The following TACC2 variants were observed in gnomAD, a reference collection of about 807,000 sequenced individuals.
The protein encoded by TACC2 is transforming acidic coiled-coil containing protein 2.
In TACC2, 137 loss-of-function variants were observed where a neutral mutation model predicts 227.3. That is an observed-to-expected ratio of 0.60 (90% CI 0.52 to 0.69). The LOEUF is 0.69. Among genes scored for constraint, TACC2 ranks in the 30% least tolerant of loss-of-function variants. The pLI is 0.00. For missense variants in TACC2, 3,470 were observed against 3,694.4 expected (o/e 0.94, Z 1.57); for synonymous variants, 1,523 against 1,487.5 (o/e 1.02, Z -0.55).
intron 6 of TACC2, among the ~76,000 whole-genome samples, chr10:122,134,402 T>C (rs2089094412): frequency 6.6e-6 from 1 of 152,082 alleles, no homozygotes; most frequent in African/African-American, 2.4e-5. Context: ...GTTCTCAAAC[T>C]CCTGACCCCC....
intron 5 of TACC2, among the ~76,000 whole-genome samples, chr10:122,116,430 A>C (rs1386473805): frequency 6.6e-6 from 1 of 152,252 alleles, no homozygotes; most frequent in Non-Finnish European, 1.5e-5. Context: ...GAGAAAGCCC[A>C]GAATTTATAG....
At chr10:122,234,918 C>G (rs2095828254) in intron 16 of TACC2, among the ~76,000 whole-genome samples, 1 of 152,134 alleles carries the variant, frequency 6.6e-6, no homozygotes, top group African/African-American at 2.4e-5. Context: ...AAACCTTGTG[C>G]CCCAGTCTCT....
At chr10:122,196,922 C>A (rs1479673012) in intron 8 of TACC2, among the ~76,000 whole-genome samples, 2 of 113,784 alleles carry the variant, frequency 1.8e-5, no homozygotes, top group South Asian at 3.1e-4. Context: ...GGTGACAGAG[C>A]GAGTCCGTCT....
chr10:122,032,354 G>A (rs918643942), intron 2 of TACC2, among the ~76,000 whole-genome samples: 1 of 152,064 alleles, frequency 6.6e-6, no homozygotes, highest in African/African-American at 2.4e-5. Context: ...ACTCCCCGTC[G>A]CACCCAGGCC....
chr10:122,153,190 T>A (rs1263119239), intron 7 of TACC2, among the ~76,000 whole-genome samples: 6 of 152,106 alleles, frequency 3.9e-5, no homozygotes, highest in African/African-American at 1.4e-4. Context: ...AAGACAGAGT[T>A]TCACCATGTT....
At position 122,085,439 on chromosome 10, in the gene TACC2, G is replaced by A. The variant is rs2079992097; in HGVS notation, c.2939G>A (p.Arg980Lys). 1 of 1,613,860 alleles carries A rather than the reference G, an allele frequency of 6.2e-7. No individual in the cohort carries two copies. The highest frequency in any genetic ancestry group is 2.2e-5 in the East Asian group (1 of 44,890). ...KDFSLAGNFS[R>K]KETCCTGQGP... The stretch of plus-strand genomic sequence containing the variant: ...TTTTCTCTTGCAGGGAACTTCAGCA[G>A]AAAGGAAACTTGCTGCACTGGGCAG... The change falls in exon 4 of 23, where the codon AGA (arginine) becomes AAA (lysine). Residue 980 changes from arginine to lysine, a missense_variant. Transcript: ENST00000369005.
intron 7 of TACC2, among the ~76,000 whole-genome samples, chr10:122,155,753 G>A (rs1203072753): frequency 1.3e-5 from 2 of 151,876 alleles, no homozygotes; most frequent in East Asian, 1.9e-4. Context: ...TGGGTTATCC[G>A]AAGGAAATTG....
intron 2 of TACC2, chr10:122,023,076 T>G (rs1160656403): frequency 6.6e-6 from 1 of 152,022 alleles, no homozygotes; most frequent in Non-Finnish European, 1.5e-5. Flanking sequence ...AGAGTCTCTC[T>G]CTGTCACCCA....
chr10:122,238,833 T>C (rs2095915686), intron 18 of TACC2, among the ~76,000 whole-genome samples: 1 of 152,234 alleles, frequency 6.6e-6, no homozygotes, highest in African/African-American at 2.4e-5. Context: ...AGGTGCTTAA[T>C]GGTCCATTGT....
intron 2 of TACC2, among the ~76,000 whole-genome samples, chr10:122,035,530 A>G (rs1960013753): frequency 6.6e-6 from 1 of 152,250 alleles, no homozygotes; most frequent in South Asian, 2.1e-4. Flanking sequence ...AGGCGCTAAC[A>G]GGCAAAAGAC....
Position 122,194,189 on chromosome 10 carries a change from G to A in TACC2, c.5835-851G>A, listed in dbSNP as rs552141224. Among the ~76,000 whole-genome samples the A allele has an allele frequency of 1.2e-4, 19 of 152,306 alleles. No individual in the cohort carries two copies. The highest frequency in any genetic ancestry group is 1.0e-4 in the Non-Finnish European group (7 of 68,024). ...TCCTCCCACCTGAGTCTCCCAAAGC[G>A]CTGGGATTAGAGGCATGAGCCACCG... On this transcript the variant is annotated intron_variant, in intron 7 of 22. Transcript: ENST00000369005. The surrounding 1 kb of genome is among the most constrained non-coding windows in gnomAD (Gnocchi z 4.4).
intron 7 of TACC2, among the ~76,000 whole-genome samples, chr10:122,170,431 C>T (rs1202284634): frequency 1.3e-5 from 2 of 151,722 alleles, no homozygotes; most frequent in East Asian, 1.9e-4. Context: ...CCACTGTGCC[C>T]AGCTAATTTT....
At chr10:122,094,639 C>G (rs2081186544) in intron 5 of TACC2, among the ~76,000 whole-genome samples, 1 of 152,186 alleles carries the variant, frequency 6.6e-6, no homozygotes. Context: ...CGGCTGCCTC[C>G]TTGGTGGCAG....
At chr10:122,021,752 A>G (rs1957369229) in intron 1 of TACC2, among the ~76,000 whole-genome samples, 185 bp from the exon 2 acceptor site, 2 of 152,176 alleles carry the variant, frequency 1.3e-5, no homozygotes, top group African/African-American at 4.8e-5. Flanking sequence ...ACCAGCCCGT[A>G]TTGGGAAAGA....
chr10:122,186,164 G>C (rs1222078878), intron 7 of TACC2, among the ~76,000 whole-genome samples: 1 of 152,036 alleles, frequency 6.6e-6, no homozygotes, highest in Non-Finnish European at 1.5e-5. Flanking sequence ...CCTGACTTCA[G>C]GTGATCCACC....
At chr10:122,017,841 CAAAGA>C (rs1565078489) in intron 1 of TACC2, among the ~76,000 whole-genome samples, 1 of 112,828 alleles carries the variant, frequency 8.9e-6, no homozygotes, top group Non-Finnish European at 1.9e-5. Flanking sequence ...AAAAAAAAGA[CAAAGA>C]AAAGAAAAAG....
chr10:122,249,064 G>A lies in TACC2; in HGVS notation c.8568G>A (p.Leu2856=). 3.1e-6 allele frequency: 5 copies of A among 1,613,110 alleles called. No homozygotes were observed. The highest frequency in any genetic ancestry group is 2.2e-5 in the East Asian group (1 of 44,860). ...TGCTGTGTCAGAATGAAGAGGTGTT[G>A]AAGAGATGTGCGCAGGAGTACCTGT... ...LEGFRKNEEV[L]KRCAQEYLSR... Residue 2856 remains leucine (L), a synonymous_variant, in exon 21 of 23, where the codon TTG becomes TTA. Transcript: ENST00000369005.
intron 8 of TACC2, among the ~76,000 whole-genome samples, chr10:122,204,201 G>T (rs1447717152): frequency 2.9e-5 from 4 of 136,236 alleles, no homozygotes; most frequent in Non-Finnish European, 4.7e-5. Context: ...GGGGGAGGGG[G>T]AGGGGTAGAT....
chr10:122,060,349 C>G (rs2076660274), intron 3 of TACC2, among the ~76,000 whole-genome samples: 1 of 152,202 alleles, frequency 6.6e-6, no homozygotes, highest in Non-Finnish European at 1.5e-5. Flanking sequence ...AGATGTGGTA[C>G]CTGGAACTAG....
Sources: allele counts gnomAD v4.1 joint callset (sites outside exome capture counted in the v4.1 genomes callset), GRCh38; gene constraint gnomAD v4.1.1; non-coding constraint Gnocchi (gnomAD v3.1); transcripts MANE v1.5; gene names NCBI Gene and HGNC (gene_info 2026-07-23, HGNC 2026-07-21).